FKBP5: variants seen among roughly 807,000 people sequenced by gnomAD.
FKBP5 encodes peptidyl-prolyl cis-trans isomerase FKBP5.
A neutral mutation model predicts 50.5 loss-of-function variants in FKBP5; 23 were observed. The ratio of observed to expected loss-of-function variants is 0.46; its 90% CI spans 0.33 to 0.65. The LOEUF is 0.65. Among genes scored for constraint, FKBP5 ranks in the 30% least tolerant of loss-of-function variants. The pLI, the probability that FKBP5 is intolerant of heterozygous loss-of-function variation, is 0.02. For synonymous variants in FKBP5, 176 were observed against 190.6 expected (o/e 0.92, Z 0.63); for missense variants, 411 against 553.1 (o/e 0.74, Z 2.58).
At chr6:35,586,151 A>T in intron 8 of FKBP5, 1 of 984,940 alleles carries the variant, frequency 1.0e-6, no homozygotes, top group Non-Finnish European at 1.2e-6. Context: ...GACATGGAGA[A>T]GGCATATATT....
intron 2 of FKBP5, among the ~76,000 whole-genome samples, chr6:35,712,354 G>A (rs538001625): frequency 1.4e-4 from 21 of 152,214 alleles, no homozygotes; most frequent in Non-Finnish European, 2.4e-4. Flanking sequence ...CATTTTACAG[G>A]GGAATCTTAG....
intron 7 of FKBP5, among the ~76,000 whole-genome samples, chr6:35,590,328 C>T (rs912320921): frequency 2.0e-5 from 3 of 151,680 alleles, no homozygotes; most frequent in Admixed American, 6.6e-5. Flanking sequence ...ATGTACAGAA[C>T]GTGGAGGTAG....
At chr6:35,610,810 G>A (rs1763469609) in intron 5 of FKBP5, among the ~76,000 whole-genome samples, 1 of 151,908 alleles carries the variant, frequency 6.6e-6, no homozygotes, top group Admixed American at 6.6e-5. Flanking sequence ...TAATCTGGGA[G>A]TTTAAAAAAA....
chr6:35,616,508 AGGAAG>A (rs1251970007), intron 5 of FKBP5, among the ~76,000 whole-genome samples: 1 of 152,064 alleles, frequency 6.6e-6, no homozygotes, highest in Admixed American at 6.6e-5. Context: ...TAACATTTAG[AGGAAG>A]CTGTGTAAAG....
chr6:35,605,589 G>T (rs559859138), intron 5 of FKBP5, among the ~76,000 whole-genome samples: 6 of 151,552 alleles, frequency 4.0e-5, no homozygotes, highest in Non-Finnish European at 7.4e-5. Context: ...GTAGAGACAA[G>T]GTTTCACTAT....
chr6:35,677,278 T>A (rs1425183097), intron 1 of FKBP5, among the ~76,000 whole-genome samples: 2 of 152,050 alleles, frequency 1.3e-5, no homozygotes, highest in Non-Finnish European at 1.5e-5. Flanking sequence ...TTTCACTGTG[T>A]TAGCCAGAGT....
chr6:35,686,456 TAAAC>T (rs1008426311), intron 1 of FKBP5, among the ~76,000 whole-genome samples: 3 of 152,068 alleles, frequency 2.0e-5, no homozygotes, highest in African/African-American at 7.2e-5. Flanking sequence ...ATAAGGACAA[TAAAC>T]AACTAATTAT....
chr6:35,646,275 T>C (rs970510963), intron 1 of FKBP5, among the ~76,000 whole-genome samples: 3 of 152,222 alleles, frequency 2.0e-5, no homozygotes, highest in Non-Finnish European at 4.4e-5. Flanking sequence ...CTCTTCATGT[T>C]TTGGCTCCAA....
chr6:35,695,056 T>C (rs893359118), intron 2 of FKBP5, among the ~76,000 whole-genome samples: 6 of 152,302 alleles, frequency 3.9e-5, no homozygotes, highest in South Asian at 4.1e-4. Flanking sequence ...AGGGCATCTA[T>C]GAGAAACCTA....
At chr6:35,701,804 G>A (rs1766194337) in intron 2 of FKBP5, among the ~76,000 whole-genome samples, 1 of 151,748 alleles carries the variant, frequency 6.6e-6, no homozygotes, top group Non-Finnish European at 1.5e-5. Flanking sequence ...GCCTCCCAAA[G>A]TGTTGGGATT....
intron 8 of FKBP5, 116 bp downstream of exon 8, chr6:35,586,918 C>A: frequency 6.6e-7 from 1 of 1,521,862 alleles, no homozygotes; most frequent in Non-Finnish European, 8.9e-7. Context: ...ATAAAAATTG[C>A]AGCTTATTCT....
intron 3 of FKBP5, among the ~76,000 whole-genome samples, chr6:35,636,239 AGCCCAC>A (rs1440931528): frequency 2.0e-5 from 3 of 152,220 alleles, no homozygotes; most frequent in Non-Finnish European, 4.4e-5. Context: ...GTGGCAAATA[AGCCCAC>A]AGTGGCAAAT....
intron 2 of FKBP5, among the ~76,000 whole-genome samples, chr6:35,719,517 C>A (rs1372496436): frequency 6.6e-6 from 1 of 152,164 alleles, no homozygotes; most frequent in Non-Finnish European, 1.5e-5. Context: ...AAAAGATACA[C>A]ATACAGAAAA....
At chr6:35,669,432 T>C (rs954128547) in intron 1 of FKBP5, among the ~76,000 whole-genome samples, 1 of 152,230 alleles carries the variant, frequency 6.6e-6, no homozygotes, top group African/African-American at 2.4e-5. Flanking sequence ...ATCCTTAATA[T>C]TCATCTCTAA....
At chr6:35,583,075 A>G (rs1762487880) in intron 8 of FKBP5, 1 of 981,572 alleles carries the variant, frequency 1.0e-6, no homozygotes. Context: ...TGACAGAGTA[A>G]GACCCTCTCT....
chr6:35,674,940 A>T lies in FKBP5; in HGVS notation c.-20+13864T>A, dbSNP rs376806844. On this transcript the variant is annotated intron_variant, in intron 1 of 10. Coordinates refer to ENST00000357266, the MANE Select transcript of FKBP5 (RefSeq NM_004117.4). ...GTGCATATGTTCTGTCCTTTCTGAG[A>T]GCAGGATCATGTCCTGTTCATTTTG... Among the ~76,000 whole-genome samples the T allele has an allele frequency of 3.7e-4, 57 of 152,344 alleles. No individual in the cohort carries two copies. In the South Asian group the frequency reaches 9.1e-3, roughly 24 times the overall value.
chr6:35,682,414 A>G (rs923909983), intron 1 of FKBP5, among the ~76,000 whole-genome samples: 2 of 152,206 alleles, frequency 1.3e-5, no homozygotes, highest in Non-Finnish European at 2.9e-5. Flanking sequence ...TTCACTGTGC[A>G]ATTTTCAGCT....
At chr6:35,622,198 A>G (rs1405129821) in intron 3 of FKBP5, among the ~76,000 whole-genome samples, 1 of 152,144 alleles carries the variant, frequency 6.6e-6, no homozygotes, top group Non-Finnish European at 1.5e-5. Context: ...TGTCAGCTAC[A>G]TTTATTTCAG....
chr6:35,665,646 ATCT>A (rs748852586), intron 1 of FKBP5, among the ~76,000 whole-genome samples: 13 of 152,212 alleles, frequency 8.5e-5, no homozygotes, highest in African/African-American at 2.2e-4. Context: ...CAACATTCTG[ATCT>A]TCTTCATCTA....
Sources: allele counts gnomAD v4.1 joint callset (sites outside exome capture counted in the v4.1 genomes callset), GRCh38; gene constraint gnomAD v4.1.1; transcripts MANE v1.5; gene names NCBI Gene and HGNC (gene_info 2026-07-23, HGNC 2026-07-21).